Variants in RNF180 observed in about 807,000 individuals in gnomAD.
RNF180 encodes ring finger protein 180, also known as E3 ubiquitin-protein ligase RNF180.
A neutral mutation model predicts 59.2 loss-of-function variants in RNF180; 38 were observed. The ratio of observed to expected loss-of-function variants is 0.64; its 90% CI spans 0.50 to 0.84. RNF180 has a LOEUF of 0.84. RNF180 is among the 40% of genes least tolerant of loss of function. The probability of loss-of-function intolerance (pLI) is 0.00; values close to 1 mark genes in which losing one functional copy is unlikely to be tolerated. For missense variants in RNF180, 705 were observed against 700.9 expected (o/e 1.01, Z -0.07); for synonymous variants, 262 against 240.3 (o/e 1.09, Z -0.84).
intron 5 of RNF180, among the ~76,000 whole-genome samples, chr5:64,324,639 T>G (rs925541128): frequency 1.3e-5 from 2 of 152,222 alleles, no homozygotes; most frequent in Admixed American, 1.3e-4. Flanking sequence ...CCATAATTAC[T>G]CTCAGTTTCT....
chr5:64,323,725 T>G (rs1744489790), intron 5 of RNF180, among the ~76,000 whole-genome samples: 1 of 152,106 alleles, frequency 6.6e-6, no homozygotes, highest in Admixed American at 6.5e-5. Context: ...TGGCTAACAT[T>G]TTTTGATAAT....
At chr5:64,245,336 G>C (rs1362446774) in intron 5 of RNF180, among the ~76,000 whole-genome samples, 1 of 152,122 alleles carries the variant, frequency 6.6e-6, no homozygotes, top group Admixed American at 6.5e-5. Flanking sequence ...ATTGGATAAA[G>C]AGTCTAGACC....
intron 7 of RNF180, among the ~76,000 whole-genome samples, chr5:64,360,851 AG>A (rs1359364339): frequency 6.6e-6 from 1 of 151,598 alleles, no homozygotes; most frequent in Non-Finnish European, 1.5e-5. Flanking sequence ...CATTTCCCAT[AG>A]GGTATCTTGA....
chr5:64,337,520 T>C (rs1426892287), intron 7 of RNF180, among the ~76,000 whole-genome samples: 1 of 152,200 alleles, frequency 6.6e-6, no homozygotes, highest in Non-Finnish European at 1.5e-5. Context: ...TTATTTTTTA[T>C]TATACTTTAA....
intron 5 of RNF180, among the ~76,000 whole-genome samples, chr5:64,249,042 G>T (rs572843790): frequency 1.2e-4 from 18 of 152,284 alleles, no homozygotes; most frequent in African/African-American, 3.4e-4. Flanking sequence ...CTCATAAGTG[G>T]GAGTTGAACA....
chr5:64,274,598 G>T (rs1258847095), intron 5 of RNF180, among the ~76,000 whole-genome samples: 1 of 151,964 alleles, frequency 6.6e-6, no homozygotes, highest in Admixed American at 6.6e-5. Flanking sequence ...TAAAAGACTT[G>T]TTTTAATGTT....
intron 5 of RNF180, among the ~76,000 whole-genome samples, chr5:64,291,358 G>A (rs1742570221): frequency 6.6e-6 from 1 of 150,578 alleles, no homozygotes; most frequent in African/African-American, 2.4e-5. Flanking sequence ...TTCCTGAATT[G>A]GAATGTTGGC....
At chr5:64,356,531 C>T (rs1746033832) in intron 7 of RNF180, among the ~76,000 whole-genome samples, 1 of 151,724 alleles carries the variant, frequency 6.6e-6, no homozygotes, top group South Asian at 2.1e-4. Context: ...AACAGGGACT[C>T]AAAAAGATAG....
chr5:64,173,834 G>A (rs1247849891), intron 1 of RNF180, among the ~76,000 whole-genome samples: 2 of 151,614 alleles, frequency 1.3e-5, no homozygotes, highest in African/African-American at 4.9e-5. Context: ...TCCTGCCTCA[G>A]CCTCCTGAGT....
chr5:64,263,217 G>C (rs1744451857), intron 5 of RNF180, among the ~76,000 whole-genome samples: 2 of 152,178 alleles, frequency 1.3e-5, no homozygotes, highest in African/African-American at 4.8e-5. Context: ...AGAATTCATT[G>C]TGCATTTGTG....
intron 5 of RNF180, among the ~76,000 whole-genome samples, chr5:64,230,539 A>T: frequency 6.6e-6 from 1 of 152,196 alleles, no homozygotes; most frequent in East Asian, 1.9e-4. Flanking sequence ...TCCTCATTTA[A>T]GGACCCTGTG....
chr5:64,348,918 T>G (rs941151492), intron 7 of RNF180, among the ~76,000 whole-genome samples: 2 of 152,134 alleles, frequency 1.3e-5, no homozygotes, highest in African/African-American at 4.8e-5. Context: ...GCTACTTAAA[T>G]GATACCTTGT....
At chr5:64,270,740 T>C (rs1741354281) in intron 5 of RNF180, among the ~76,000 whole-genome samples, 1 of 152,150 alleles carries the variant, frequency 6.6e-6, no homozygotes, top group Admixed American at 6.6e-5. Context: ...CTGTAATTGC[T>C]AGCTATTTGA....
intron 5 of RNF180, among the ~76,000 whole-genome samples, chr5:64,274,225 A>G (rs1741589002): frequency 6.6e-6 from 1 of 151,924 alleles, no homozygotes; most frequent in Non-Finnish European, 1.5e-5. Flanking sequence ...TCTTTAACCC[A>G]GCTTTTCATA....
At chr5:64,183,243 C>T (rs1452356223) in intron 1 of RNF180, among the ~76,000 whole-genome samples, 23 of 152,050 alleles carry the variant, frequency 1.5e-4, no homozygotes, top group Admixed American at 1.5e-3. Flanking sequence ...AGTTAACAGT[C>T]CCTACCTCAT....
intron 7 of RNF180, among the ~76,000 whole-genome samples, chr5:64,364,628 G>T (rs1419019982): frequency 2.6e-5 from 4 of 151,696 alleles, no homozygotes; most frequent in Admixed American, 6.6e-5. Context: ...AATTATTTTG[G>T]AATAGTTTCA....
chr5:64,273,214 G>A (rs753880822), intron 5 of RNF180, among the ~76,000 whole-genome samples: 11 of 151,790 alleles, frequency 7.2e-5, no homozygotes, highest in Admixed American at 3.3e-4. Flanking sequence ...TACTCTATAC[G>A]GTCTAAAAAG....
intron 7 of RNF180, among the ~76,000 whole-genome samples, chr5:64,364,604 A>T (rs1266433878): frequency 7.3e-5 from 11 of 151,720 alleles, no homozygotes; most frequent in Non-Finnish European, 1.6e-4. Flanking sequence ...TGCGTTGGGA[A>T]GGAGTCTCTC....
At chr5:64,231,169 G>A (rs193005988) in intron 5 of RNF180, among the ~76,000 whole-genome samples, 49 of 152,314 alleles carry the variant, frequency 3.2e-4, no homozygotes, top group African/African-American at 1.1e-3. Flanking sequence ...GTTGCCTGGA[G>A]CCAATCTGAG....
Sources: allele counts gnomAD v4.1 joint callset (sites outside exome capture counted in the v4.1 genomes callset), GRCh38; gene constraint gnomAD v4.1.1; transcripts MANE v1.5; gene names NCBI Gene and HGNC (gene_info 2026-07-23, HGNC 2026-07-21).